OTUD7B: variants seen among roughly 807,000 people sequenced by gnomAD.
OTUD7B encodes the protein OTU domain-containing protein 7B.
Under a neutral mutation model 82.2 loss-of-function variants are expected in OTUD7B, and 34 were observed. The ratio of observed to expected loss-of-function variants is 0.41; its 90% CI spans 0.31 to 0.55. The LOEUF is 0.55. Among genes scored for constraint, OTUD7B ranks in the 20% least tolerant of loss-of-function variants. OTUD7B has a pLI of 0.20. For synonymous variants in OTUD7B, 398 were observed against 402.7 expected (o/e 0.99, Z 0.14); for missense variants, 944 against 1,062.1 (o/e 0.89, Z 1.55).
chr1:150,031,618 A>G, the OTUD7B span, among the ~76,000 whole-genome samples: 1 of 152,214 alleles, frequency 6.6e-6, no homozygotes, highest in Admixed American at 6.5e-5. Context: ...AAAATCAGAC[A>G]AGTCATAACA....
chr1:150,001,795 G>T (rs903001299), intron 1 of OTUD7B, among the ~76,000 whole-genome samples: 1 of 152,286 alleles, frequency 6.6e-6, no homozygotes, highest in East Asian at 1.9e-4. Context: ...TGCTGACAGA[G>T]CCCAGAGAAA....
chr1:150,058,191 C>T, the OTUD7B span, among the ~76,000 whole-genome samples: 9 of 152,148 alleles, frequency 5.9e-5, no homozygotes, highest in South Asian at 2.1e-4. Context: ...GTCCATGGAA[C>T]GCCAGCACCA....
the OTUD7B span, among the ~76,000 whole-genome samples, chr1:150,041,526 G>T: frequency 1.5e-4 from 23 of 152,084 alleles, no homozygotes; most frequent in Non-Finnish European, 2.5e-4. Context: ...TAGAGATGGG[G>T]TTTCACAATG....
upstream of OTUD7B, among the ~76,000 whole-genome samples, chr1:150,014,934 A>T (rs1653224567): frequency 6.6e-6 from 1 of 151,782 alleles, no homozygotes; most frequent in Non-Finnish European, 1.5e-5. Flanking sequence ...AAAAAAATCC[A>T]GGGTTTCTTG....
the OTUD7B span, among the ~76,000 whole-genome samples, chr1:150,025,953 G>A: frequency 1.3e-5 from 2 of 152,200 alleles, no homozygotes; most frequent in Non-Finnish European, 2.9e-5. Context: ...GTTGCAAGAA[G>A]GATCTGCAGA....
intron 11 of OTUD7B, among the ~76,000 whole-genome samples, 190 bp from the exon 12 acceptor site, chr1:149,945,255 C>A (rs1441710533): frequency 3.9e-5 from 6 of 152,158 alleles, no homozygotes; most frequent in Non-Finnish European, 2.9e-5. Flanking sequence ...GACTGCCTTG[C>A]TCCAGAGAAG....
chr1:149,971,282 T>C, intron 2 of OTUD7B, 31 bp from the exon 3 acceptor site: 10 of 1,544,786 alleles, frequency 6.5e-6, no homozygotes, highest in Non-Finnish European at 8.9e-6. Context: ...AAGCAAACTG[T>C]GCAACCATAG....
chr1:150,032,217 CAGG>C, the OTUD7B span, among the ~76,000 whole-genome samples: 2 of 151,784 alleles, frequency 1.3e-5, no homozygotes, highest in African/African-American at 4.8e-5. Flanking sequence ...GAGGCTGAGG[CAGG>C]AGAATCGCTT....
intron 7 of OTUD7B, among the ~76,000 whole-genome samples, chr1:149,953,130 T>C (rs1248886493): frequency 2.0e-4 from 30 of 152,216 alleles, no homozygotes; most frequent in Admixed American, 2.0e-3. Context: ...CCCATGCCTA[T>C]GTCCTGAAGG....
At chr1:150,020,367 C>T in the OTUD7B span, among the ~76,000 whole-genome samples, 1 of 152,118 alleles carries the variant, frequency 6.6e-6, no homozygotes, top group South Asian at 2.1e-4. Flanking sequence ...GAAACCCTGT[C>T]TCTATTAAAA....
At chr1:150,051,418 T>C in the OTUD7B span, among the ~76,000 whole-genome samples, 5 of 152,016 alleles carry the variant, frequency 3.3e-5, no homozygotes, top group Non-Finnish European at 7.4e-5. Flanking sequence ...TATTGCTCTC[T>C]TTTTTTGTCC....
intron 7 of OTUD7B, among the ~76,000 whole-genome samples, chr1:149,956,970 T>C (rs1254928728): frequency 6.6e-6 from 1 of 152,232 alleles, no homozygotes; most frequent in African/African-American, 2.4e-5. Flanking sequence ...TTCTTTGCGA[T>C]GGGTTCGAAC....
At chr1:149,951,159 A>G (rs1449831875) in intron 7 of OTUD7B, among the ~76,000 whole-genome samples, 3 of 151,200 alleles carry the variant, frequency 2.0e-5, no homozygotes, top group African/African-American at 7.3e-5. Flanking sequence ...ATTTTTTTGT[A>G]TATTTAGTAG....
chr1:149,990,988 TC>T (rs1553781971), intron 1 of OTUD7B, among the ~76,000 whole-genome samples: 3 of 7,896 alleles, frequency 3.8e-4, no homozygotes, highest in African/African-American at 2.1e-3. Context: ...CGAAACTCCG[TC>T]GCAAAAAAAA....
At chr1:149,978,927 T>A (rs116744405) in intron 1 of OTUD7B, among the ~76,000 whole-genome samples, 1,854 of 152,142 alleles carry the variant, frequency 0.012, 47 homozygotes, top group African/African-American at 0.043. Flanking sequence ...AAAGCATAAT[T>A]GTTGAAGGCA....
chr1:150,054,607 A>G, the OTUD7B span: 1 of 374,448 alleles, frequency 2.7e-6, no homozygotes. Flanking sequence ...CAGGAGTTCA[A>G]GACCAGCACG....
At chr1:150,051,074 C>G in the OTUD7B span, among the ~76,000 whole-genome samples, 2 of 151,324 alleles carry the variant, frequency 1.3e-5, no homozygotes, top group South Asian at 4.2e-4. Context: ...ACTAAAAATA[C>G]AAAAATTAGC....
chr1:150,043,487 C>T, the OTUD7B span, among the ~76,000 whole-genome samples: 2 of 152,014 alleles, frequency 1.3e-5, no homozygotes, highest in Non-Finnish European at 2.9e-5. Flanking sequence ...GATAGATTTC[C>T]GCTTTAATGT....
chr1:149,968,288 C>T (rs1571648384), intron 3 of OTUD7B, among the ~76,000 whole-genome samples: 1 of 146,294 alleles, frequency 6.8e-6, no homozygotes, highest in Non-Finnish European at 1.5e-5. Flanking sequence ...AGACAATCAA[C>T]AACAAATCTT....
Sources: allele counts gnomAD v4.1 joint callset (sites outside exome capture counted in the v4.1 genomes callset), GRCh38; gene constraint gnomAD v4.1.1; transcripts MANE v1.5; gene names NCBI Gene and HGNC (gene_info 2026-07-23, HGNC 2026-07-21).